Variants in PSD3 observed in about 807,000 individuals in gnomAD.
The protein encoded by PSD3 is PH and SEC7 domain-containing protein 3.
In PSD3, 49 loss-of-function variants were observed where a neutral mutation model predicts 105.5. That is an observed-to-expected ratio of 0.46 (90% CI 0.37 to 0.59). The LOEUF (loss-of-function observed/expected upper bound fraction) is 0.59. PSD3 is among the 20% of genes least tolerant of loss of function. The pLI, the probability that PSD3 is intolerant of heterozygous loss-of-function variation, is 0.00. For synonymous variants in PSD3, 557 were observed against 457.8 expected (o/e 1.22, Z -2.77); for missense variants, 1,561 against 1,263.8 (o/e 1.24, Z -3.57).
chr8:18,924,525 C>A (rs73582679), intron 2 of PSD3: 1 of 152,092 alleles, frequency 6.6e-6, no homozygotes, highest in Non-Finnish European at 1.5e-5. Flanking sequence ...CAACAGAAAA[C>A]CTGAGAATTA....
At chr8:18,549,925 A>G (rs1363305505) in intron 15 of PSD3, among the ~76,000 whole-genome samples, 1 of 152,196 alleles carries the variant, frequency 6.6e-6, no homozygotes, top group Non-Finnish European at 1.5e-5. Flanking sequence ...AATTCACCCA[A>G]TCCCATCTCA....
intron 9 of PSD3, among the ~76,000 whole-genome samples, chr8:18,659,939 G>A (rs1809219194): frequency 6.6e-6 from 1 of 152,220 alleles, no homozygotes; most frequent in Non-Finnish European, 1.5e-5. Context: ...GGTAGTTAGA[G>A]CTAAGTGGAG....
intron 12 of PSD3, among the ~76,000 whole-genome samples, chr8:18,585,513 T>G (rs1002992999): frequency 5.9e-5 from 9 of 152,106 alleles, no homozygotes; most frequent in Non-Finnish European, 1.2e-4. Context: ...AGATGGGGTT[T>G]TGACATGTTG....
intron 11 of PSD3, among the ~76,000 whole-genome samples, chr8:18,624,378 G>C (rs1249298960): frequency 1.3e-5 from 2 of 151,568 alleles, no homozygotes; most frequent in African/African-American, 4.9e-5. Flanking sequence ...TATATGTATT[G>C]ATCATCTCAG....
chr8:18,810,950 A>C (rs1811632401), intron 4 of PSD3, among the ~76,000 whole-genome samples: 1 of 152,220 alleles, frequency 6.6e-6, no homozygotes, highest in Non-Finnish European at 1.5e-5. Context: ...GTAAAACCCT[A>C]AATCATAAAT....
chr8:18,727,966 G>A (rs978199021), intron 9 of PSD3, among the ~76,000 whole-genome samples: 5 of 152,008 alleles, frequency 3.3e-5, no homozygotes, highest in African/African-American at 1.2e-4. Context: ...CATGAGGGCA[G>A]GGATTTTTCA....
chr8:19,029,568 AG>A (rs536922927), intron 1 of PSD3, among the ~76,000 whole-genome samples: 24 of 152,114 alleles, frequency 1.6e-4, no homozygotes, highest in Non-Finnish European at 2.8e-4. Flanking sequence ...AAGTGGGAAA[AG>A]CCCCTTATAA....
At chr8:18,593,011 G>A (rs975410712) in intron 12 of PSD3, among the ~76,000 whole-genome samples, 1 of 152,102 alleles carries the variant, frequency 6.6e-6, no homozygotes, top group Non-Finnish European at 1.5e-5. Flanking sequence ...ACCTAAAACC[G>A]TAACAACCCT....
At position 18,964,845 on chromosome 8, in the gene PSD3, C is replaced by G. The variant is rs73204525; in HGVS notation, c.22-28703G>C. On this transcript the variant is annotated intron_variant, in intron 1 of 15. Transcript: ENST00000327040. The stretch of plus-strand genomic sequence containing the variant: ...AGGTGGCATAGATTTGTTCACAGGG[C>G]TATATTTCAGGAACTATAATTATTT... Among the ~76,000 whole-genome samples the G allele has an allele frequency of 7.3e-3, 1,117 of 152,270 alleles. 5 individuals are homozygous for G. Among genetic ancestry groups the G allele is most frequent in the Non-Finnish European group, 0.012 (789 of 68,026 alleles).
At chr8:19,071,267 C>A (rs13267386) in intron 1 of PSD3, among the ~76,000 whole-genome samples, 3 of 151,884 alleles carry the variant, frequency 2.0e-5, no homozygotes, top group Non-Finnish European at 4.4e-5. Flanking sequence ...GGGGTTTTGC[C>A]GTGTTGGCCA....
intron 1 of PSD3, among the ~76,000 whole-genome samples, chr8:18,966,060 T>A (rs912148958): frequency 2.0e-5 from 3 of 152,236 alleles, no homozygotes; most frequent in Middle Eastern, 3.2e-3. Flanking sequence ...ACCAATGTGC[T>A]GTATAACTTT....
intron 1 of PSD3, among the ~76,000 whole-genome samples, chr8:19,082,729 C>G (rs2129478411): frequency 6.6e-6 from 1 of 152,302 alleles, no homozygotes; most frequent in East Asian, 1.9e-4. Context: ...TTCAAGTCAT[C>G]AGGCCAGCAC....
intron 10 of PSD3, among the ~76,000 whole-genome samples, chr8:18,641,880 TA>T (rs35373548): frequency 0.24 from 36,498 of 151,974 alleles, 4,712 homozygotes; most frequent in Middle Eastern, 0.43. Context: ...AGGATGAGTC[TA>T]AAATGGATCT....
chr8:18,803,153 G>A, intron 6 of PSD3: 1 of 234,618 alleles, frequency 4.3e-6, no homozygotes, highest in Non-Finnish European at 8.9e-6. Flanking sequence ...CAGGTGTGGT[G>A]GTGCGTACCT....
chr8:19,070,665 G>A lies in PSD3; in HGVS notation c.324+13541C>T, dbSNP rs184720770. 1.3e-3 allele frequency among the ~76,000 whole-genome samples: 201 copies of A among 152,268 alleles called. 2 individuals are homozygous for A. The highest frequency in any genetic ancestry group is 0.013 in the East Asian group (67 of 5,180). On this transcript the variant is annotated intron_variant, in intron 1 of 1. Transcript: ENST00000521475. ...TGCACTGTAGCATGGGAGAGAAAGT[G>A]AGACTCTGTCTCAAAAAATAAGAAA...
intron 1 of PSD3, among the ~76,000 whole-genome samples, chr8:18,980,272 C>T (rs1473127159): frequency 6.6e-6 from 1 of 152,140 alleles, no homozygotes; most frequent in Admixed American, 6.6e-5. Flanking sequence ...GGATCACCTC[C>T]GCTGCACTTA....
At chr8:18,760,550 C>T (rs370558082) in intron 9 of PSD3, among the ~76,000 whole-genome samples, 22 of 152,128 alleles carry the variant, frequency 1.4e-4, no homozygotes, top group Admixed American at 9.8e-4. Context: ...CCAGATTTAT[C>T]GATGTCACAA....
chr8:18,907,626 A>C (rs1819932207), intron 2 of PSD3, among the ~76,000 whole-genome samples: 2 of 152,242 alleles, frequency 1.3e-5, no homozygotes, highest in South Asian at 4.1e-4. Flanking sequence ...AAGCTATACC[A>C]TATAGCCTAG....
At chr8:18,681,565 G>A (rs775858337) in intron 9 of PSD3, among the ~76,000 whole-genome samples, 5 of 151,424 alleles carry the variant, frequency 3.3e-5, no homozygotes, top group Non-Finnish European at 7.4e-5. Context: ...GGAGGAAAAC[G>A]TGTAACTGTG....
Sources: gnomAD v4.1 joint callset for allele counts (sites outside exome capture counted in the v4.1 genomes callset) on GRCh38, gnomAD v4.1.1 for gene constraint, MANE v1.5 for transcripts, NCBI Gene and HGNC (gene_info 2026-07-23, HGNC 2026-07-21) for gene names.